The following CDC42SE2 variants were observed in gnomAD, a reference collection of about 807,000 sequenced individuals.
CDC42SE2 encodes CDC42 small effector protein 2.
In CDC42SE2, 3 loss-of-function variants were observed where a neutral mutation model predicts 11.5. The observed-to-expected ratio is 0.26, with a 90% CI of 0.12 to 0.67. The LOEUF (loss-of-function observed/expected upper bound fraction) is 0.67. CDC42SE2 is among the 30% of genes least tolerant of loss of function. The pLI is 0.80. For synonymous variants in CDC42SE2, 33 were observed against 34.8 expected, an observed-to-expected ratio of 0.95 and a Z score of 0.18; for missense variants, 82 against 106.8, an observed-to-expected ratio of 0.77 and a Z score of 1.02.
the CDC42SE2 span, among the ~76,000 whole-genome samples, chr5:131,227,003 T>C: frequency 1.3e-5 from 2 of 152,222 alleles, no homozygotes; most frequent in Non-Finnish European, 2.9e-5. Context: ...CTACATATAG[T>C]TAGGCATAAA....
intron 2 of CDC42SE2, among the ~76,000 whole-genome samples, chr5:131,335,187 A>T (rs1016764171): frequency 2.6e-5 from 4 of 152,206 alleles, no homozygotes; most frequent in African/African-American, 9.6e-5. Flanking sequence ...TGTTGGTTTC[A>T]AAGAACACCT....
the CDC42SE2 span, among the ~76,000 whole-genome samples, chr5:131,214,071 C>T: frequency 8.6e-5 from 13 of 152,024 alleles, no homozygotes; most frequent in African/African-American, 3.1e-4. Flanking sequence ...TAATTAGCAA[C>T]TAAATACAGT....
At chr5:131,297,580 C>T (rs986434685) in intron 1 of CDC42SE2, among the ~76,000 whole-genome samples, 2 of 151,866 alleles carry the variant, frequency 1.3e-5, no homozygotes. Flanking sequence ...ACTAGCTGGG[C>T]GTGGTGGCGG....
intron 1 of CDC42SE2, among the ~76,000 whole-genome samples, chr5:131,279,784 C>CT (rs1367708486): frequency 6.6e-6 from 1 of 152,116 alleles, no homozygotes; most frequent in Non-Finnish European, 1.5e-5. Flanking sequence ...AAATTGAACT[C>CT]TGAGACTGGG....
chr5:131,345,605 C>A (rs934744296), intron 2 of CDC42SE2, among the ~76,000 whole-genome samples: 2 of 152,088 alleles, frequency 1.3e-5, no homozygotes, highest in Non-Finnish European at 2.9e-5. Context: ...ACTTCCCCAA[C>A]CTAGCAAGGC....
chr5:131,234,731 A>G, the CDC42SE2 span, among the ~76,000 whole-genome samples: 1 of 152,140 alleles, frequency 6.6e-6, no homozygotes, highest in Non-Finnish European at 1.5e-5. Flanking sequence ...GAGGCCAAAA[A>G]GTTCTTGCCT....
Position 131,391,153 on chromosome 5 carries a change from C to CCGT in CDC42SE2, c.*63_*64insGTC. ...GTCTGGACCTGACGGCCAGACATGGCCAGGCCAATAATAGTAAATATATGT... is the reference window on the plus strand; with the variant it reads ...GTCTGGACCTGACGGCCAGACATGGCCGTCAGGCCAATAATAGTAAATATATGT... On this transcript the variant is annotated 3_prime_UTR_variant, in exon 5 of 5. Coordinates refer to ENST00000505065, the MANE Select transcript of CDC42SE2 (RefSeq NM_001375635.1). The CCGT allele has an allele frequency of 2.7e-6, 3 of 1,117,130 alleles. No individual in the cohort carries two copies. Among genetic ancestry groups the CCGT allele is most frequent in the Non-Finnish European group, 4.0e-6 (3 of 752,296 alleles). 69.2% of individuals were successfully genotyped at this position (1,117,130 alleles called of 1,614,324 possible).
intron 1 of CDC42SE2, among the ~76,000 whole-genome samples, chr5:131,305,219 A>G (rs1757756788): frequency 6.6e-6 from 1 of 152,192 alleles, no homozygotes; most frequent in Non-Finnish European, 1.5e-5. Context: ...AGAGTAGTGT[A>G]TACCACAGGT....
chr5:131,364,453 G>C (rs1322233155), intron 3 of CDC42SE2, among the ~76,000 whole-genome samples: 1 of 152,180 alleles, frequency 6.6e-6, no homozygotes, highest in African/African-American at 2.4e-5. Flanking sequence ...AGGTCTAAGA[G>C]GTAACCAAGG....
chr5:131,339,742 G>A (rs1470588093), intron 2 of CDC42SE2, among the ~76,000 whole-genome samples: 2 of 151,460 alleles, frequency 1.3e-5, no homozygotes, highest in Non-Finnish European at 2.9e-5. Context: ...CCCAGGAGGT[G>A]GAGGTTGCAG....
At chr5:131,312,669 A>G (rs1275129000) in intron 1 of CDC42SE2, among the ~76,000 whole-genome samples, 1 of 152,116 alleles carries the variant, frequency 6.6e-6, no homozygotes, top group Non-Finnish European at 1.5e-5. Context: ...CCCCTCGGAA[A>G]AGCACAGTAT....
chr5:131,287,226 C>T (rs1757359777), intron 1 of CDC42SE2, among the ~76,000 whole-genome samples: 1 of 152,052 alleles, frequency 6.6e-6, no homozygotes. Flanking sequence ...AACTCCTGAC[C>T]TCAGGTAATC....
intron 1 of CDC42SE2, among the ~76,000 whole-genome samples, chr5:131,304,958 C>G (rs1168244220): frequency 6.6e-6 from 1 of 152,010 alleles, no homozygotes; most frequent in Non-Finnish European, 1.5e-5. Context: ...AAATCATAAC[C>G]ACACTGAAGA....
chr5:131,285,313 C>T (rs1273404820), intron 1 of CDC42SE2, among the ~76,000 whole-genome samples: 1 of 151,942 alleles, frequency 6.6e-6, no homozygotes, highest in African/African-American at 2.4e-5. Context: ...AACCGTAAAA[C>T]CAACAGTAGC....
chr5:131,348,112 C>A (rs1580770802), intron 2 of CDC42SE2, among the ~76,000 whole-genome samples: 1 of 152,254 alleles, frequency 6.6e-6, no homozygotes, highest in South Asian at 2.1e-4. Context: ...TCTCAACACT[C>A]CTATTCAACA....
chr5:131,228,013 A>G, the CDC42SE2 span, among the ~76,000 whole-genome samples: 1 of 152,220 alleles, frequency 6.6e-6, no homozygotes, highest in African/African-American at 2.4e-5. Context: ...GTCCATGGTT[A>G]GTAGAGACCT....
chr5:131,245,818 A>G (rs1756577193), intron 1 of CDC42SE2, among the ~76,000 whole-genome samples: 1 of 152,178 alleles, frequency 6.6e-6, no homozygotes. Context: ...TTTATGTTTT[A>G]TCTTTAACCA....
intron 1 of CDC42SE2, among the ~76,000 whole-genome samples, chr5:131,293,941 G>T (rs1043910746): frequency 6.6e-6 from 1 of 152,124 alleles, no homozygotes; most frequent in African/African-American, 2.4e-5. Context: ...GGACAAATTC[G>T]ATATGTATTG....
At chr5:131,370,399 C>T (rs902129907) in intron 3 of CDC42SE2, among the ~76,000 whole-genome samples, 1 of 151,858 alleles carries the variant, frequency 6.6e-6, no homozygotes, top group South Asian at 2.1e-4. Flanking sequence ...ATCTAATAGG[C>T]AACGTTAAGT....
Sources: allele counts gnomAD v4.1 joint callset (sites outside exome capture counted in the v4.1 genomes callset), GRCh38; gene constraint gnomAD v4.1.1; transcripts MANE v1.5; gene names NCBI Gene and HGNC (gene_info 2026-07-23, HGNC 2026-07-21).